The following CPNE1 variants were observed in gnomAD, a reference collection of about 807,000 sequenced individuals.
The protein encoded by CPNE1 is copine-1.
Under a neutral mutation model 63.2 loss-of-function variants are expected in CPNE1, and 58 were observed. The ratio of observed to expected loss-of-function variants is 0.92; its 90% CI spans 0.74 to 1.14. The LOEUF (loss-of-function observed/expected upper bound fraction) is 1.14. Ranked by LOEUF, CPNE1 falls within the 50% of genes most tolerant of loss-of-function variation. CPNE1 has a pLI of 0.00. For missense variants in CPNE1, 672 were observed against 661.7 expected, an observed-to-expected ratio of 1.02 and a Z score of -0.17; for synonymous variants, 237 against 249.0, an observed-to-expected ratio of 0.95 and a Z score of 0.45.
Position 35,627,260 on chromosome 20 carries a change from C to T in CPNE1, c.1236+20G>A, listed in dbSNP as rs2031816202. On this transcript the variant is annotated intron_variant, in intron 14 of 15. Transcript: ENST00000397443. ...AAGCCCTTGATTGCCACCACTGCCA[C>T]TGCCACCCACGACTCTCACCGAGGC... The T allele has an allele frequency of 6.2e-7, 1 of 1,602,034 alleles. No homozygotes were observed. Among genetic ancestry groups the T allele is most frequent in the Non-Finnish European group, 8.5e-7 (1 of 1,174,048 alleles).
At chr20:35,653,868 C>CT in intron 1 of CPNE1, 1 of 1,614,096 alleles carries the variant, frequency 6.2e-7, no homozygotes. Flanking sequence ...ACAGAGCAGC[C>CT]TTATAGTCAG....
chr20:35,659,002 A>G lies in CPNE1; in HGVS notation c.-1+5758T>C. 3 of 717,238 alleles carry G rather than the reference A, an allele frequency of 4.2e-6. No homozygotes were observed. The South Asian group carries it at 4.4e-5, about 11-fold the overall frequency. 44.4% of individuals were successfully genotyped at this position (717,238 alleles called of 1,614,324 possible). On this transcript the variant is annotated intron_variant, in intron 1 of 15. Transcript: ENST00000397443. ...TCAATCCTGTGGGCAACCAATTAAA[A>G]CCAACTTTTAGACTGCAATAGAGAA...
intron 1 of CPNE1, chr20:35,655,148 GCAT>G: frequency 6.2e-7 from 1 of 1,614,070 alleles, no homozygotes; most frequent in Non-Finnish European, 8.5e-7. Flanking sequence ...CCACCTGTGC[GCAT>G]CATACCAAGC....
chr20:35,644,569 GA>G, intron 1 of CPNE1, among the ~76,000 whole-genome samples: 1 of 152,282 alleles, frequency 6.6e-6, no homozygotes, highest in Non-Finnish European at 1.5e-5. Flanking sequence ...TACTGTAAAA[GA>G]AACACTGAGG....
chr20:35,626,474 G>A, intron 15 of CPNE1, 93 bp from the exon 16 acceptor site: 9 of 1,592,786 alleles, frequency 5.7e-6, no homozygotes, highest in Non-Finnish European at 7.7e-6. Flanking sequence ...CCCAGGCTTA[G>A]AGGAAAAGGT....
chr20:35,643,833 CTA>C (rs1568923578), intron 1 of CPNE1, among the ~76,000 whole-genome samples: 1 of 152,120 alleles, frequency 6.6e-6, no homozygotes, highest in Admixed American at 6.5e-5. Context: ...GCCCTCCACA[CTA>C]TAGTTGGAGT....
At chr20:35,654,644 G>A in intron 1 of CPNE1, 2 of 1,614,054 alleles carry the variant, frequency 1.2e-6, no homozygotes, top group South Asian at 2.2e-5. Context: ...GGAACTGGGG[G>A]AATCGGGGGC....
chr20:35,656,693 CCTGG>C (rs2146360847), intron 1 of CPNE1, among the ~76,000 whole-genome samples: 1 of 152,274 alleles, frequency 6.6e-6, no homozygotes, highest in South Asian at 2.1e-4. Context: ...CGCCACCATG[CCTGG>C]CTAAGTGTTT....
intron 1 of CPNE1, among the ~76,000 whole-genome samples, chr20:35,659,167 T>C (rs976140117): frequency 1.3e-5 from 2 of 150,558 alleles, no homozygotes; most frequent in Non-Finnish European, 3.0e-5. Context: ...AAAGACACCG[T>C]AACAAAATCC....
At position 35,626,602 on chromosome 20, in the gene CPNE1, T is replaced by C; in HGVS notation, c.1438A>G (p.Ile480Val). 1.2e-6 allele frequency: 2 copies of C among 1,614,156 alleles called. No individual in the cohort carries two copies. The highest frequency in any genetic ancestry group is 2.7e-5 in the African/African-American group (2 of 75,030). The part of the protein sequence containing the change: ...TRSGQAAARD[I>V]VQFVPYRRFQ... ...CGGCGGTAGGGTACAAACTGCACAA[T>C]GTCGCGGGCAGCAGCCTGCCCAGAA... The change falls in exon 15 of 16, where the codon ATT (isoleucine) becomes GTT (valine). Residue 480 changes from isoleucine (I) to valine (V), a missense_variant. Coordinates refer to ENST00000397443, the MANE Select transcript of CPNE1 (RefSeq NM_152925.3).
At position 35,631,737 on chromosome 20, in the gene CPNE1, G is replaced by T; in HGVS notation, c.578C>A (p.Ser193Ter). The T allele has an allele frequency of 6.2e-7, 1 of 1,614,072 alleles. No individual in the cohort carries two copies. The highest frequency in any genetic ancestry group is 8.5e-7 in the Non-Finnish European group (1 of 1,180,004). ...NNLNPTWKRF[S>*]VPVQHFCGGN... Reference sequence around the variant, plus strand: ...ACCACAGAAATGCTGAACGGGGACTGAGAAACGCTTCCATGTAGGGTTCAG... The same window carrying T: ...ACCACAGAAATGCTGAACGGGGACTTAGAAACGCTTCCATGTAGGGTTCAG... Residue 193 changes from serine to a stop codon, truncating the protein, a stop_gained, in exon 7 of 16, where the codon TCA (serine) becomes TAA (stop). Coordinates refer to ENST00000397443, the MANE Select transcript of CPNE1 (RefSeq NM_152925.3). LOFTEE classifies it high-confidence loss of function.
At chr20:35,643,789 C>T (rs1307086457) in intron 1 of CPNE1, among the ~76,000 whole-genome samples, 1 of 152,146 alleles carries the variant, frequency 6.6e-6, no homozygotes. Context: ...TAAGCTTGAC[C>T]GTGGAGGCCA....
At chr20:35,646,506 A>G (rs1224793600) in intron 1 of CPNE1, among the ~76,000 whole-genome samples, 1 of 150,990 alleles carries the variant, frequency 6.6e-6, no homozygotes, top group African/African-American at 2.4e-5. Flanking sequence ...TACAGGTGTG[A>G]CCCACCACAC....
At chr20:35,652,917 G>C (rs747155371) in intron 1 of CPNE1, 1 of 1,613,752 alleles carries the variant, frequency 6.2e-7, no homozygotes, top group Non-Finnish European at 8.5e-7. Flanking sequence ...CAAACCCCGG[G>C]GGACCGCCTA....
chr20:35,658,911 T>C (rs2034072499), intron 1 of CPNE1: 1 of 712,598 alleles, frequency 1.4e-6, no homozygotes, highest in South Asian at 1.5e-5. Context: ...AAACGAACTC[T>C]CTATTCAAAA....
intron 1 of CPNE1, chr20:35,652,335 C>T (rs2033580982): frequency 1.6e-6 from 1 of 626,064 alleles, no homozygotes; most frequent in South Asian, 2.2e-5. Flanking sequence ...TTTACTGTAA[C>T]ATACAGCAAT....
chr20:35,658,466 T>TA (rs2034031365), intron 1 of CPNE1, among the ~76,000 whole-genome samples: 2 of 151,920 alleles, frequency 1.3e-5, no homozygotes, highest in African/African-American at 2.4e-5. Flanking sequence ...GATAAACTTG[T>TA]AAAAAACCAC....
rs546014338 is a variant in CPNE1 at position 35,631,474 on chromosome 20, G to A, written c.714+18C>T. On this transcript the variant is annotated intron_variant, in intron 8 of 15. Transcript: ENST00000397443. ...TATCTAGGCCCATTTCCACACCCCT[G>A]GCAAGACCAGCACTCACCGGGACTG... 2.5e-6 allele frequency: 4 copies of A among 1,612,814 alleles called. No individual in the cohort carries two copies. The South Asian group carries it at 3.3e-5, about 13-fold the overall frequency.
At chr20:35,630,857 G>A (rs1351601452) in intron 11 of CPNE1, 44 bp downstream of exon 11, 2 of 1,603,470 alleles carry the variant, frequency 1.2e-6, no homozygotes. Context: ...AGAGGCTGAA[G>A]CATCTGCAGG....
Sources: allele counts gnomAD v4.1 joint callset (sites outside exome capture counted in the v4.1 genomes callset), GRCh38; gene constraint gnomAD v4.1.1; transcripts MANE v1.5; gene names NCBI Gene and HGNC (gene_info 2026-07-23, HGNC 2026-07-21).